The following WAC variants were observed in gnomAD, a reference collection of about 807,000 sequenced individuals.
WAC encodes the protein WW domain containing adaptor with coiled-coil.
Under a neutral mutation model 79.6 loss-of-function variants are expected in WAC, and 11 were observed. The observed-to-expected ratio is 0.14, with a 90% CI of 0.09 to 0.23. The LOEUF (loss-of-function observed/expected upper bound fraction) is 0.23, where lower values mean the gene tolerates loss of function less well. Ranked by LOEUF, WAC falls within the 10% of genes least tolerant of loss-of-function variation. The probability of loss-of-function intolerance (pLI) is 1.00; values close to 1 mark genes in which losing one functional copy is unlikely to be tolerated. For synonymous variants in WAC, 304 were observed against 276.9 expected (o/e 1.10, Z -0.97); for missense variants, 728 against 773.5 (o/e 0.94, Z 0.70).
At chr10:28,563,768 TTTTTTG>T in intron 3 of WAC, among the ~76,000 whole-genome samples, 1 of 136,420 alleles carries the variant, frequency 7.3e-6, no homozygotes, top group Non-Finnish European at 1.6e-5. Context: ...TTTTTTTTTT[TTTTTTG>T]TATTTTTAGT....
At chr10:28,547,245 G>A (rs12261124) in intron 3 of WAC, among the ~76,000 whole-genome samples, 4,498 of 151,970 alleles carry the variant, frequency 0.03, 229 homozygotes, top group African/African-American at 0.1. Context: ...TAAAGATTTC[G>A]GACTTTTGGC....
chr10:28,605,521 A>G (rs1032420224), intron 7 of WAC, among the ~76,000 whole-genome samples: 2 of 152,228 alleles, frequency 1.3e-5, no homozygotes, highest in Admixed American at 6.5e-5. Flanking sequence ...CAAGAGTCCC[A>G]TAAATATTAA....
At chr10:28,580,235 A>G (rs1180275667) in intron 3 of WAC, among the ~76,000 whole-genome samples, 1 of 152,166 alleles carries the variant, frequency 6.6e-6, no homozygotes, top group African/African-American at 2.4e-5. Context: ...CACTAGACCT[A>G]AAAGTTAGTT....
At position 28,547,937 on chromosome 10, in the gene WAC, T is replaced by C. The variant is rs1474268241; in HGVS notation, c.274+12180T>C. Among the ~76,000 whole-genome samples the C allele has an allele frequency of 2.2e-4, 34 of 151,154 alleles. No individual in the cohort carries two copies. In the East Asian group the frequency reaches 5.6e-3, roughly 25 times the overall value. ...TTTCTTTTTTTTTTTTTTTCTTCTT[T>C]GAGAGAGAGTTTCGCTCTTGTTGCT... On this transcript the variant is annotated intron_variant, in intron 3 of 13. Coordinates refer to ENST00000354911, the MANE Select transcript of WAC (RefSeq NM_016628.5).
At chr10:28,547,014 A>G (rs773940444) in intron 3 of WAC, among the ~76,000 whole-genome samples, 73 of 151,874 alleles carry the variant, frequency 4.8e-4, no homozygotes, top group Non-Finnish European at 8.2e-4. Context: ...TACTTTGTCG[A>G]TATTTTTGGG....
At chr10:28,540,584 T>G (rs1836955357) in intron 3 of WAC, among the ~76,000 whole-genome samples, 1 of 152,232 alleles carries the variant, frequency 6.6e-6, no homozygotes, top group Non-Finnish European at 1.5e-5. Context: ...CCATTTTCTC[T>G]TAATCCCTCA....
Position 28,617,839 on chromosome 10 carries a change from T to G in WAC, c.1874+55T>G, listed in dbSNP as rs958669020. On this transcript the variant is annotated intron_variant, in intron 13 of 13. Coordinates refer to ENST00000354911, the MANE Select transcript of WAC (RefSeq NM_016628.5). Reference sequence around the variant, plus strand: ...GTTTCTCAGGATTATGATTCTTAAATCGAACTAAAGAATGTAAATCACATT... The same window carrying G: ...GTTTCTCAGGATTATGATTCTTAAAGCGAACTAAAGAATGTAAATCACATT... 4 of 1,513,420 alleles carry G rather than the reference T, an allele frequency of 2.6e-6. No individual in the cohort carries two copies. In the African/African-American group the frequency reaches 5.7e-5, roughly 22 times the overall value. The allele number at this position is 1,513,420 out of a possible 1,614,324, so 93.7% of individuals were successfully genotyped here.
intron 4 of WAC, chr10:28,588,955 T>A (rs1839959600): frequency 6.6e-6 from 1 of 152,150 alleles, no homozygotes; most frequent in Admixed American, 6.5e-5. Flanking sequence ...CCAGGATAGT[T>A]GAGATTCTAC....
rs1841658040 is a variant in WAC at position 28,620,746 on chromosome 10, C to T, written c.*1140C>T. On this transcript the variant is annotated 3_prime_UTR_variant, in exon 14 of 14. Transcript: ENST00000354911. ...TTCAACAAGAATGATTAAGTCACTT[C>T]CCAAGTGGTTGTCATTTGTTAAACC... 1 of 152,156 alleles carries T rather than the reference C, an allele frequency of 6.6e-6. No homozygotes were observed. Among genetic ancestry groups the T allele is most frequent in the Admixed American group, 6.5e-5 (1 of 15,274 alleles). The allele number at this position is 152,156 out of a possible 1,614,324, so 9.4% of individuals were successfully genotyped here.
intron 12 of WAC, among the ~76,000 whole-genome samples, chr10:28,617,369 T>C (rs1841518239): frequency 6.6e-6 from 1 of 152,236 alleles, no homozygotes; most frequent in South Asian, 2.1e-4. Flanking sequence ...CAGCATCTTT[T>C]ATTAACCACA....
chr10:28,607,461 C>G (rs1841015251), intron 7 of WAC, among the ~76,000 whole-genome samples: 1 of 152,092 alleles, frequency 6.6e-6, no homozygotes, highest in Non-Finnish European at 1.5e-5. Flanking sequence ...ATAATTGAAA[C>G]AACAGCTTTC....
chr10:28,596,776 TAGC>T (rs1840392684), intron 7 of WAC, among the ~76,000 whole-genome samples: 1 of 152,196 alleles, frequency 6.6e-6, no homozygotes, highest in South Asian at 2.1e-4. Flanking sequence ...GTAGATCCAT[TAGC>T]AGACCATTAG....
intron 3 of WAC, among the ~76,000 whole-genome samples, chr10:28,543,108 A>T (rs1242982677): frequency 2.0e-5 from 3 of 152,256 alleles, no homozygotes; most frequent in Admixed American, 6.5e-5. Flanking sequence ...GAATGTGTAT[A>T]CTAAGCACCT....
chr10:28,607,303 T>C (rs1179479782), intron 7 of WAC, among the ~76,000 whole-genome samples: 2 of 152,176 alleles, frequency 1.3e-5, no homozygotes, highest in African/African-American at 4.8e-5. Flanking sequence ...GTTTTAAATG[T>C]AAGTTTTTAT....
intron 13 of WAC, 73 bp downstream of exon 13, chr10:28,617,857 AT>A: frequency 6.9e-7 from 1 of 1,446,658 alleles, no homozygotes; most frequent in Admixed American, 3.0e-5. Context: ...AAGAATGTAA[AT>A]CACATTTTAT....
chr10:28,554,376 A>G (rs1837867146), intron 3 of WAC, among the ~76,000 whole-genome samples: 1 of 152,184 alleles, frequency 6.6e-6, no homozygotes, highest in African/African-American at 2.4e-5. Flanking sequence ...AGATATCTAG[A>G]ATCAGTTAAT....
chr10:28,619,963 A>ATT lies in WAC; in HGVS notation c.*357_*358insTT, dbSNP rs1841632574. On this transcript the variant is annotated 3_prime_UTR_variant, in exon 14 of 14. Coordinates refer to ENST00000354911, the MANE Select transcript of WAC (RefSeq NM_016628.5). ...CTGTCTGCAAAATTAGCTTTTTTAA[A>ATT]AAAAAAAAAAAAAAAATTGGGGGGG... 1 of 96,192 alleles carries ATT rather than the reference A, an allele frequency of 1.0e-5. No individual in the cohort carries two copies. The highest frequency in any genetic ancestry group is 2.8e-5 in the African/African-American group (1 of 35,208). The allele number at this position is 96,192 out of a possible 1,614,324, so 6.0% of individuals were successfully genotyped here.
intron 3 of WAC, among the ~76,000 whole-genome samples, chr10:28,560,475 G>A (rs1838239210): frequency 6.6e-6 from 1 of 152,120 alleles, no homozygotes; most frequent in South Asian, 2.1e-4. Flanking sequence ...GAAGAGAATC[G>A]GGAATTTTGT....
intron 7 of WAC, among the ~76,000 whole-genome samples, chr10:28,597,502 A>T (rs1840441133): frequency 6.6e-6 from 1 of 151,050 alleles, no homozygotes. Context: ...GTGATACTAC[A>T]CTCCTTCAGT....
Sources: gnomAD v4.1 joint callset for allele counts (sites outside exome capture counted in the v4.1 genomes callset) on GRCh38, gnomAD v4.1.1 for gene constraint, MANE v1.5 for transcripts, NCBI Gene and HGNC (gene_info 2026-07-23, HGNC 2026-07-21) for gene names.